WDR70: variants seen among roughly 807,000 people sequenced by gnomAD.
The protein encoded by WDR70 is WD repeat domain 70.
WDR70 carries 53 observed loss-of-function variants against 88.6 expected under a neutral mutation model. That is an observed-to-expected ratio of 0.60 (90% CI 0.48 to 0.75). The LOEUF is 0.75. Ranked by LOEUF, WDR70 falls within the 30% of genes least tolerant of loss-of-function variation. The pLI is 0.00. For synonymous variants in WDR70, 280 were observed against 270.0 expected (o/e 1.04, Z -0.36); for missense variants, 610 against 823.2 (o/e 0.74, Z 3.17).
At chr5:37,424,170 A>C (rs1431027834) in intron 5 of WDR70, among the ~76,000 whole-genome samples, 4 of 150,042 alleles carry the variant, frequency 2.7e-5, no homozygotes, top group Non-Finnish European at 5.9e-5. Context: ...AAAAAAAAAA[A>C]AACAAAGACA....
intron 9 of WDR70, among the ~76,000 whole-genome samples, chr5:37,558,009 G>A (rs1284881404): frequency 1.4e-5 from 2 of 143,864 alleles, no homozygotes; most frequent in Non-Finnish European, 3.2e-5. Flanking sequence ...AATGTATTGT[G>A]AAACTAATAT....
At chr5:37,669,179 G>C (rs1020272540) in intron 10 of WDR70, among the ~76,000 whole-genome samples, 5 of 152,080 alleles carry the variant, frequency 3.3e-5, no homozygotes, top group African/African-American at 1.2e-4. Context: ...TCAGTGTTGT[G>C]TGTATAACAG....
At chr5:37,624,566 G>C (rs1744613186) in intron 10 of WDR70, among the ~76,000 whole-genome samples, 1 of 152,098 alleles carries the variant, frequency 6.6e-6, no homozygotes, top group Admixed American at 6.6e-5. Context: ...GGATAAGGGA[G>C]AGCTTTCCCT....
chr5:37,653,798 T>A lies in WDR70; in HGVS notation c.1093-43857T>A, dbSNP rs564042564. 8.5e-5 allele frequency among the ~76,000 whole-genome samples: 13 copies of A among 152,278 alleles called. No individual in the cohort carries two copies. In the East Asian group the frequency reaches 2.5e-3, roughly 29 times the overall value. ...ATCAGTGGTGATATCCCCTTTATCA[T>A]TTTTTATTGCATCTATTTGATTCTT... On this transcript the variant is annotated intron_variant, in intron 10 of 17. Transcript: ENST00000265107.
chr5:37,519,690 GC>G (rs1237992954), intron 9 of WDR70, among the ~76,000 whole-genome samples: 1 of 151,530 alleles, frequency 6.6e-6, no homozygotes, highest in African/African-American at 2.4e-5. Context: ...ACGATGGGCG[GC>G]CGGGCAGAGG....
intron 9 of WDR70, among the ~76,000 whole-genome samples, chr5:37,556,338 G>A (rs1742294832): frequency 6.6e-6 from 1 of 152,024 alleles, no homozygotes; most frequent in South Asian, 2.1e-4. Context: ...GGATTGGGTA[G>A]ACTAGCAAGT....
chr5:37,722,316 G>C (rs546057541), intron 14 of WDR70: 7 of 153,420 alleles, frequency 4.6e-5, no homozygotes, highest in African/African-American at 1.7e-4. Context: ...GGATAACTCT[G>C]TACTACTAAG....
chr5:37,396,824 T>A (rs1367917687), intron 5 of WDR70, among the ~76,000 whole-genome samples: 1 of 151,608 alleles, frequency 6.6e-6, no homozygotes, highest in African/African-American at 2.4e-5. Context: ...CCAGACTCCA[T>A]CTCCAAAAAA....
intron 10 of WDR70, among the ~76,000 whole-genome samples, chr5:37,658,175 A>G (rs959443555): frequency 3.3e-5 from 5 of 152,010 alleles, no homozygotes; most frequent in Non-Finnish European, 5.9e-5. Context: ...TAGGTTGAGG[A>G]GGAGGAAGAG....
intron 10 of WDR70, among the ~76,000 whole-genome samples, chr5:37,650,136 A>C (rs1028558037): frequency 6.7e-6 from 1 of 149,326 alleles, no homozygotes; most frequent in East Asian, 2.0e-4. Context: ...AGTGGCTCAC[A>C]CCTGTAATCC....
At chr5:37,617,326 A>G (rs779545250) in intron 10 of WDR70, among the ~76,000 whole-genome samples, 12 of 152,220 alleles carry the variant, frequency 7.9e-5, no homozygotes, top group Non-Finnish European at 1.2e-4. Flanking sequence ...GGAATATTCT[A>G]AAACAAGATT....
chr5:37,520,127 T>C (rs1741040125), intron 9 of WDR70, among the ~76,000 whole-genome samples: 1 of 152,266 alleles, frequency 6.6e-6, no homozygotes, highest in South Asian at 2.1e-4. Flanking sequence ...GTTAAAAAAA[T>C]AGGTGGTATT....
chr5:37,392,172 A>G (rs758280905), intron 4 of WDR70, 52 bp downstream of exon 4: 4 of 1,474,878 alleles, frequency 2.7e-6, no homozygotes, highest in African/African-American at 3.1e-5. Context: ...CTAGGTGTTT[A>G]TAGAGTTTTT....
intron 8 of WDR70, chr5:37,506,156 G>A (rs751438579): frequency 1.3e-5 from 14 of 1,056,436 alleles, no homozygotes; most frequent in African/African-American, 3.1e-5. Flanking sequence ...TGTATCGAAG[G>A]TCCTAACGAG....
chr5:37,601,346 C>T (rs1743875971), intron 9 of WDR70, among the ~76,000 whole-genome samples: 1 of 152,166 alleles, frequency 6.6e-6, no homozygotes, highest in East Asian at 1.9e-4. Context: ...ATATATTGAA[C>T]CATCCTTGCA....
At chr5:37,444,934 C>T (rs553706893) in intron 7 of WDR70, among the ~76,000 whole-genome samples, 2 of 152,228 alleles carry the variant, frequency 1.3e-5, no homozygotes, top group East Asian at 1.9e-4. Context: ...CTATGAGAAT[C>T]GAATGCTATT....
intron 7 of WDR70, among the ~76,000 whole-genome samples, chr5:37,466,678 C>A (rs992721299): frequency 3.6e-5 from 5 of 137,124 alleles, no homozygotes; most frequent in African/African-American, 8.4e-5. Flanking sequence ...TGCACTCCAG[C>A]CTGGGCGACA....
Position 37,605,119 on chromosome 5 carries a change from C to T in WDR70, c.973C>T (p.Pro325Ser), listed in dbSNP as rs757536236. ...AAAGAAGCAAAAAAGTGTGTTTAAACCACGGACGATGCAAGGCAAAAAAGT... is the reference window on the plus strand; with the variant it reads ...AAAGAAGCAAAAAAGTGTGTTTAAATCACGGACGATGCAAGGCAAAAAAGT... The part of the protein sequence containing the change: ...NPKKQKSVFK[P>S]RTMQGKKVIP... Residue 325 changes from proline (P) to serine (S), a missense_variant, in exon 10 of 18, where the codon CCA becomes TCA. Transcript: ENST00000265107. The T allele has an allele frequency of 1.2e-6, 2 of 1,612,902 alleles. No individual in the cohort carries two copies. Among genetic ancestry groups the T allele is most frequent in the Non-Finnish European group, 8.5e-7 (1 of 1,179,488 alleles).
intron 5 of WDR70, among the ~76,000 whole-genome samples, chr5:37,401,647 G>A (rs1749197806): frequency 6.6e-6 from 1 of 151,994 alleles, no homozygotes; most frequent in South Asian, 2.1e-4. Context: ...TTTTTGTAGA[G>A]GTGGGGGTCT....
Sources: allele counts gnomAD v4.1 joint callset (sites outside exome capture counted in the v4.1 genomes callset), GRCh38; gene constraint gnomAD v4.1.1; transcripts MANE v1.5; gene names NCBI Gene and HGNC (gene_info 2026-07-23, HGNC 2026-07-21).